The following HLCS variants were observed in gnomAD, a reference collection of about 807,000 sequenced individuals.
HLCS encodes the protein holocarboxylase synthetase, also known as biotin--protein ligase.
A neutral mutation model predicts 75.0 loss-of-function variants in HLCS; 53 were observed. The ratio of observed to expected loss-of-function variants is 0.71; its 90% CI spans 0.57 to 0.89. The LOEUF (loss-of-function observed/expected upper bound fraction) is 0.89, where lower values mean the gene tolerates loss of function less well. HLCS is among the 40% of genes least tolerant of loss of function. The pLI is 0.00. For missense variants in HLCS, 966 were observed against 1,074.0 expected (o/e 0.90, Z 1.41); for synonymous variants, 431 against 428.6 (o/e 1.01, Z -0.07).
intron 2 of HLCS, among the ~76,000 whole-genome samples, chr21:36,949,125 T>C (rs2067554012): frequency 6.7e-6 from 1 of 149,992 alleles, no homozygotes; most frequent in Non-Finnish European, 1.5e-5. Context: ...AGAGGAGTTT[T>C]AAGAGGTATC....
chr21:36,894,742 A>G (rs192473464), intron 6 of HLCS, among the ~76,000 whole-genome samples: 4 of 152,348 alleles, frequency 2.6e-5, no homozygotes, highest in Non-Finnish European at 2.9e-5. Flanking sequence ...CCTTTGTAAA[A>G]GTAAAAACTC....
chr21:36,928,311 G>A (rs1335754285), intron 5 of HLCS, among the ~76,000 whole-genome samples: 1 of 152,210 alleles, frequency 6.6e-6, no homozygotes, highest in Non-Finnish European at 1.5e-5. Flanking sequence ...CGCCATGCCT[G>A]TAATCCCAAC....
chr21:36,762,644 T>C (rs942350390), intron 8 of HLCS, among the ~76,000 whole-genome samples: 1 of 152,166 alleles, frequency 6.6e-6, no homozygotes, highest in Non-Finnish European at 1.5e-5. Flanking sequence ...TTGACTATGT[T>C]AAAAAAGAAA....
At chr21:36,760,947 A>G (rs1276093439) in intron 8 of HLCS, among the ~76,000 whole-genome samples, 1 of 152,226 alleles carries the variant, frequency 6.6e-6, no homozygotes, top group East Asian at 1.9e-4. Flanking sequence ...AGGCTGTGCC[A>G]TGTGTGGGTA....
At chr21:36,886,909 T>C (rs1184071099) in intron 6 of HLCS, among the ~76,000 whole-genome samples, 1 of 152,104 alleles carries the variant, frequency 6.6e-6, no homozygotes, top group Non-Finnish European at 1.5e-5. Flanking sequence ...GGAGGATCAT[T>C]TGAGGTCAGG....
intron 2 of HLCS, among the ~76,000 whole-genome samples, chr21:36,950,301 T>C (rs919274030): frequency 3.3e-5 from 5 of 151,802 alleles, no homozygotes; most frequent in Admixed American, 2.6e-4. Flanking sequence ...TTCTGCTACA[T>C]AGAAAACAAG....
intron 6 of HLCS, among the ~76,000 whole-genome samples, chr21:36,834,218 T>A (rs79712988): frequency 0.083 from 12,661 of 152,258 alleles, 748 homozygotes; most frequent in South Asian, 0.17. Flanking sequence ...TCATGAATAC[T>A]GGGAGTCACT....
intron 6 of HLCS, among the ~76,000 whole-genome samples, chr21:36,812,395 C>T (rs77345094): frequency 0.013 from 2,049 of 152,274 alleles, 37 homozygotes; most frequent in African/African-American, 0.047. Context: ...CTGTCACTTA[C>T]GGTACGCTTT....
chr21:36,778,168 A>G (rs943320427), intron 6 of HLCS, among the ~76,000 whole-genome samples: 3 of 151,958 alleles, frequency 2.0e-5, no homozygotes, highest in East Asian at 1.9e-4. Context: ...ATGGGGTTTC[A>G]CCATGTTAGC....
intron 6 of HLCS, among the ~76,000 whole-genome samples, chr21:36,792,757 G>A (rs2060908562): frequency 6.6e-6 from 1 of 152,128 alleles, no homozygotes; most frequent in South Asian, 2.1e-4. Flanking sequence ...TCTCACTCCA[G>A]AACCACAGAG....
chr21:36,863,307 G>A (rs377069696), intron 6 of HLCS, among the ~76,000 whole-genome samples: 4 of 152,092 alleles, frequency 2.6e-5, no homozygotes, highest in African/African-American at 9.7e-5. Context: ...CATCAGCAAG[G>A]CTTGCAGAGG....
chr21:36,860,156 T>C (rs2063334313), intron 6 of HLCS, among the ~76,000 whole-genome samples: 1 of 152,232 alleles, frequency 6.6e-6, no homozygotes, highest in African/African-American at 2.4e-5. Flanking sequence ...TTGGTGTGTC[T>C]AATATAGTGT....
At chr21:36,762,530 T>C (rs2089886890) in intron 8 of HLCS, among the ~76,000 whole-genome samples, 1 of 152,132 alleles carries the variant, frequency 6.6e-6, no homozygotes, top group African/African-American at 2.4e-5. Flanking sequence ...GACGGTGACA[T>C]CTGGTTAGGG....
intron 5 of HLCS, among the ~76,000 whole-genome samples, chr21:36,911,748 CAAAAAAAA>C (rs11287408): frequency 2.1e-5 from 1 of 47,830 alleles, no homozygotes. Flanking sequence ...GACTCCGTCT[CAAAAAAAA>C]AAAAAAAAAA....
chr21:36,757,132 T>A (rs1373760435), intron 9 of HLCS, among the ~76,000 whole-genome samples: 2 of 152,232 alleles, frequency 1.3e-5, no homozygotes, highest in Non-Finnish European at 2.9e-5. Flanking sequence ...CAGGAGAGAA[T>A]AAAATCTCTG....
rs1169154862 is a variant in HLCS, at chr21:36,753,241, G to C, written c.*1005C>G. ...AGTATCGATAACATTTTCTTTCTTG[G>C]TAATACGAGGTAAATGAGGGGGGCA... On this transcript the variant is annotated 3_prime_UTR_variant, in exon 11 of 11. Coordinates refer to ENST00000674895, the MANE Select transcript of HLCS (RefSeq NM_001352514.2). This position sits in a 1 kb window ranked among gnomAD's most constrained non-coding sequence, Gnocchi z 4.3. 6.6e-6 allele frequency: 1 copy of C among 152,532 alleles called. No homozygotes were observed. Among genetic ancestry groups the C allele is most frequent in the South Asian group, 2.1e-4 (1 of 4,818 alleles). 9.4% of individuals were successfully genotyped at this position (152,532 alleles called of 1,614,324 possible).
chr21:36,960,674 T>G (rs1490202720), intron 2 of HLCS, among the ~76,000 whole-genome samples: 1 of 152,206 alleles, frequency 6.6e-6, no homozygotes, highest in Non-Finnish European at 1.5e-5. Flanking sequence ...ACAGATAATC[T>G]TCATGAAATG....
intron 2 of HLCS, among the ~76,000 whole-genome samples, chr21:36,941,223 CAATA>C (rs1194678445): frequency 2.6e-5 from 4 of 152,120 alleles, no homozygotes. Context: ...ATCAATCAAT[CAATA>C]AAGTGTTTGG....
chr21:36,799,940 A>G (rs1021657728), intron 6 of HLCS, among the ~76,000 whole-genome samples: 2 of 152,252 alleles, frequency 1.3e-5, no homozygotes, highest in Admixed American at 6.5e-5. Context: ...ACAACTAATA[A>G]GAATAAAATG....
Sources: allele counts gnomAD v4.1 joint callset (sites outside exome capture counted in the v4.1 genomes callset), GRCh38; gene constraint gnomAD v4.1.1; non-coding constraint Gnocchi (gnomAD v3.1); transcripts MANE v1.5; gene names NCBI Gene and HGNC (gene_info 2026-07-23, HGNC 2026-07-21).